Variants in TCF7L2 observed in about 807,000 individuals in gnomAD.
The protein encoded by TCF7L2 is transcription factor 7 like 2.
Under a neutral mutation model 77.9 loss-of-function variants are expected in TCF7L2, and 23 were observed. The observed-to-expected ratio is 0.30, with a 90% CI of 0.21 to 0.42. The LOEUF (loss-of-function observed/expected upper bound fraction) is 0.42. Among genes scored for constraint, TCF7L2 ranks in the 10% least tolerant of loss-of-function variants. The pLI, the probability that TCF7L2 is intolerant of heterozygous loss-of-function variation, is 1.00. For synonymous variants in TCF7L2, 413 were observed against 340.2 expected (o/e 1.21, Z -2.36); for missense variants, 654 against 793.1 (o/e 0.82, Z 2.11).
intron 5 of TCF7L2, among the ~76,000 whole-genome samples, chr10:113,077,285 A>T (rs965625914): frequency 6.6e-6 from 1 of 152,258 alleles, no homozygotes; most frequent in Non-Finnish European, 1.5e-5. Context: ...AAGCAGTTAC[A>T]CAGAGATAAG....
chr10:113,153,221 T>C (rs1359133756), intron 11 of TCF7L2, among the ~76,000 whole-genome samples: 1 of 152,244 alleles, frequency 6.6e-6, no homozygotes, highest in Non-Finnish European at 1.5e-5. Flanking sequence ...CACGCTGTCT[T>C]CCGGAGACTT....
intron 4 of TCF7L2, among the ~76,000 whole-genome samples, chr10:112,977,524 C>A (rs2039649375): frequency 6.6e-6 from 1 of 152,234 alleles, no homozygotes; most frequent in Admixed American, 6.5e-5. Context: ...GATGACAAAT[C>A]TGCCTTGCTC....
chr10:113,072,769 T>A lies in TCF7L2; in HGVS notation c.552+32643T>A, dbSNP rs565530465. Among the ~76,000 whole-genome samples the A allele has an allele frequency of 2.0e-5, 3 of 152,320 alleles. No homozygotes were observed. The East Asian group carries it at 5.8e-4, about 29-fold the overall frequency. On this transcript the variant is annotated intron_variant, in intron 5 of 13. Transcript: ENST00000627217. The stretch of plus-strand genomic sequence containing the variant: ...TTTATTTGTGGTGCACACAGGTGAC[T>A]CGGGCTGTTGTGTATTGGTTCTTGC...
intron 5 of TCF7L2, among the ~76,000 whole-genome samples, chr10:113,097,053 C>T (rs940183428): frequency 6.6e-6 from 1 of 152,064 alleles, no homozygotes; most frequent in Non-Finnish European, 1.5e-5. Context: ...TTTAGAAAAA[C>T]AGAGTTGGGG....
intron 3 of TCF7L2, among the ~76,000 whole-genome samples, chr10:112,960,238 T>A (rs1444146397): frequency 6.6e-6 from 1 of 152,130 alleles, no homozygotes; most frequent in Non-Finnish European, 1.5e-5. Context: ...GTTTTGCATA[T>A]CAGAAACATC....
rs2134265743 is a variant in TCF7L2 at position 113,040,105 on chromosome 10, C to G, written c.531C>G (p.Ser177=). ...GACAAGCCCTCAAGGATGCCCGGTC[C>G]CCATCACCGGCACACATTGTCGTAA... The change falls in exon 5 of 14, where the codon TCC becomes TCG. Residue 177 remains serine (S), a synonymous_variant. Coordinates refer to ENST00000627217, the MANE Select transcript of TCF7L2 (RefSeq NM_001146274.2). 1.2e-6 allele frequency: 2 copies of G among 1,613,788 alleles called. No individual in the cohort carries two copies. Among genetic ancestry groups the G allele is most frequent in the Non-Finnish European group, 1.7e-6 (2 of 1,179,860 alleles).
intron 5 of TCF7L2, among the ~76,000 whole-genome samples, chr10:113,075,612 T>A (rs1483295169): frequency 6.6e-6 from 1 of 152,158 alleles, no homozygotes; most frequent in East Asian, 1.9e-4. Flanking sequence ...GAGAAAAGAT[T>A]AAAGCTGCAC....
At chr10:112,955,155 C>G (rs565451628) in intron 3 of TCF7L2, among the ~76,000 whole-genome samples, 16 of 151,374 alleles carry the variant, frequency 1.1e-4, no homozygotes, top group African/African-American at 3.6e-4. Context: ...ACATTCCAAG[C>G]CCCTACATAA....
intron 5 of TCF7L2, among the ~76,000 whole-genome samples, chr10:113,050,481 T>C (rs12265291): frequency 0.54 from 81,980 of 151,972 alleles, 24,858 homozygotes; most frequent in African/African-American, 0.81. Flanking sequence ...TGTTTCCCCC[T>C]AGCCCTTTCA....
chr10:113,036,717 C>A (rs1227979390), intron 4 of TCF7L2, among the ~76,000 whole-genome samples: 2 of 150,952 alleles, frequency 1.3e-5, no homozygotes, highest in Non-Finnish European at 3.0e-5. Context: ...TGAGCAGACT[C>A]CCGTCCAACA....
chr10:113,091,251 T>C lies in TCF7L2; in HGVS notation c.553-49933T>C, dbSNP rs147244224. Among the ~76,000 whole-genome samples, 3 of 152,350 alleles carry C rather than the reference T, an allele frequency of 2.0e-5. No individual in the cohort carries two copies. The East Asian group carries it at 5.8e-4, about 29-fold the overall frequency. On this transcript the variant is annotated intron_variant, in intron 5 of 13. Transcript: ENST00000627217. Reference sequence around the variant, plus strand: ...ATTTCCACATTTCTAGTCATTCATATGCACAGACCTTAAAAGCGTTTCGCA... The same window carrying C: ...ATTTCCACATTTCTAGTCATTCATACGCACAGACCTTAAAAGCGTTTCGCA...
intron 4 of TCF7L2, among the ~76,000 whole-genome samples, chr10:112,965,502 G>A (rs1380859662): frequency 6.6e-6 from 1 of 152,192 alleles, no homozygotes. Flanking sequence ...TTGCTGTAGT[G>A]TTGAGGTCTA....
In TCF7L2 at chr10:113,158,655, C is replaced by CT. The variant is rs761045930; in HGVS notation, c.1318+594dup. ...TTTTGAAGGCTTTGTATAATTTGTTCTTTTTTTTCAGAACACAGCGAATGT... is the reference window on the plus strand; with the variant it reads ...TTTTGAAGGCTTTGTATAATTTGTTCTTTTTTTTTCAGAACACAGCGAATGT... On this transcript the variant is annotated intron_variant, in intron 12 of 13. Coordinates refer to ENST00000627217, the MANE Select transcript of TCF7L2 (RefSeq NM_001146274.2). The CT allele has an allele frequency of 3.3e-5, 54 of 1,612,408 alleles. No individual in the cohort carries two copies. Among genetic ancestry groups the CT allele is most frequent in the Admixed American group, 8.4e-5 (5 of 59,776 alleles).
At chr10:112,977,291 C>T (rs6585196) in intron 4 of TCF7L2, among the ~76,000 whole-genome samples, 97,020 of 152,064 alleles carry the variant, frequency 0.64, 31,202 homozygotes, top group East Asian at 0.72. Flanking sequence ...GAAGATTCTT[C>T]TCACTAGGGC....
intron 5 of TCF7L2, among the ~76,000 whole-genome samples, chr10:113,052,411 A>G (rs1161496912): frequency 3.3e-5 from 5 of 152,276 alleles, no homozygotes; most frequent in Non-Finnish European, 7.4e-5. Flanking sequence ...AGCTTTTGGG[A>G]AAGTGTCAGA....
chr10:113,054,763 T>A (rs775845336), intron 5 of TCF7L2, among the ~76,000 whole-genome samples: 1 of 152,196 alleles, frequency 6.6e-6, no homozygotes, highest in Non-Finnish European at 1.5e-5. Context: ...TTAACGTATG[T>A]ATTATAAATA....
chr10:113,159,982 G>A (rs1453905053), intron 12 of TCF7L2: 10 of 1,613,814 alleles, frequency 6.2e-6, no homozygotes, highest in East Asian at 2.2e-5. Flanking sequence ...TAACTGGTGC[G>A]GCCCTTGCAG....
chr10:113,151,040 G>C lies in TCF7L2; in HGVS notation c.918G>C (p.Thr306=), dbSNP rs1170666175. Residue 306 remains threonine, a synonymous_variant, in exon 9 of 14, where the codon ACG becomes ACC. Transcript: ENST00000627217. This position sits in a 1 kb window ranked among gnomAD's most constrained non-coding sequence, Gnocchi z 5.2. ...TCCCACCACATCATACGCTACACAC[G>C]ACGGGCATTCCGCATCCGGCCATAG... 2.5e-6 allele frequency: 4 copies of C among 1,613,962 alleles called. No individual in the cohort carries two copies. Among genetic ancestry groups the C allele is most frequent in the Non-Finnish European group, 3.4e-6 (4 of 1,180,010 alleles).
At chr10:113,105,607 G>A (rs914680448) in intron 5 of TCF7L2, among the ~76,000 whole-genome samples, 2 of 152,160 alleles carry the variant, frequency 1.3e-5, no homozygotes, top group African/African-American at 4.8e-5. Context: ...GACCAGGGAG[G>A]TGCCCCGCAC....
Sources: allele counts gnomAD v4.1 joint callset (sites outside exome capture counted in the v4.1 genomes callset), GRCh38; gene constraint gnomAD v4.1.1; non-coding constraint Gnocchi (gnomAD v3.1); transcripts MANE v1.5; gene names NCBI Gene and HGNC (gene_info 2026-07-23, HGNC 2026-07-21).